Variants in DIAPH3 observed in about 807,000 individuals in gnomAD.
DIAPH3 encodes the protein diaphanous related formin 3.
A neutral mutation model predicts 144.3 loss-of-function variants in DIAPH3; 117 were observed. The observed-to-expected ratio is 0.81, with a 90% confidence interval of 0.70 to 0.95. The LOEUF (loss-of-function observed/expected upper bound fraction) is 0.95, where lower values mean the gene tolerates loss of function less well. Ranked by LOEUF, DIAPH3 falls within the 40% of genes least tolerant of loss-of-function variation. The pLI, the probability that DIAPH3 is intolerant of heterozygous loss-of-function variation, is 0.00. For synonymous variants in DIAPH3, 519 were observed against 488.9 expected (o/e 1.06, Z -0.81); for missense variants, 1,421 against 1,412.7 (o/e 1.01, Z -0.09).
chr13:59,678,797 T>C (rs2032776725), intron 27 of DIAPH3, among the ~76,000 whole-genome samples: 1 of 152,184 alleles, frequency 6.6e-6, no homozygotes. Context: ...TTTTAAATCT[T>C]TTAGCAGCCT....
intron 27 of DIAPH3, among the ~76,000 whole-genome samples, chr13:59,745,172 C>T (rs1038868357): frequency 6.6e-6 from 1 of 152,012 alleles, no homozygotes; most frequent in African/African-American, 2.4e-5. Flanking sequence ...GGTTTGTCAG[C>T]ATGTTTAACA....
chr13:59,726,105 G>T (rs1203057471), intron 27 of DIAPH3, among the ~76,000 whole-genome samples: 2 of 152,088 alleles, frequency 1.3e-5, no homozygotes, highest in Non-Finnish European at 2.9e-5. Flanking sequence ...CACTTTACAA[G>T]TATATTATTC....
At chr13:59,786,737 A>G (rs1283069008) in intron 25 of DIAPH3, among the ~76,000 whole-genome samples, 2 of 152,234 alleles carry the variant, frequency 1.3e-5, no homozygotes, top group African/African-American at 2.4e-5. Context: ...CACTAGTCCT[A>G]TAAGAAGCTC....
chr13:59,775,910 A>C (rs910355486), intron 25 of DIAPH3, among the ~76,000 whole-genome samples: 2 of 152,210 alleles, frequency 1.3e-5, no homozygotes, highest in African/African-American at 4.8e-5. Context: ...ATAAGTATTT[A>C]TAGTTATCAA....
chr13:59,964,798 C>A (rs1264628949), intron 17 of DIAPH3, among the ~76,000 whole-genome samples: 1 of 152,120 alleles, frequency 6.6e-6, no homozygotes. Context: ...CAGCCACAGA[C>A]AAGAACCAAA....
chr13:59,807,260 T>A (rs1489867128), intron 25 of DIAPH3, among the ~76,000 whole-genome samples: 3 of 151,898 alleles, frequency 2.0e-5, no homozygotes, highest in African/African-American at 7.2e-5. Flanking sequence ...GGTCTTTCAC[T>A]TTGGTGAGAA....
At chr13:59,927,486 G>A (rs2047809567) in intron 17 of DIAPH3, among the ~76,000 whole-genome samples, 1 of 151,942 alleles carries the variant, frequency 6.6e-6, no homozygotes, top group African/African-American at 2.4e-5. Flanking sequence ...TGCTCTATAG[G>A]GAGCTTTTTA....
intron 25 of DIAPH3, among the ~76,000 whole-genome samples, chr13:59,775,823 T>G (rs2139290527): frequency 6.6e-6 from 1 of 152,288 alleles, no homozygotes; most frequent in Non-Finnish European, 1.5e-5. Context: ...TAAATTGATA[T>G]CCTGTATATA....
intron 17 of DIAPH3, among the ~76,000 whole-genome samples, chr13:59,964,702 T>A (rs1308500073): frequency 1.3e-5 from 2 of 152,134 alleles, no homozygotes; most frequent in Non-Finnish European, 2.9e-5. Context: ...ATACTATAAC[T>A]GGTAACAATA....
chr13:59,924,410 G>A (rs1177690105), intron 18 of DIAPH3, among the ~76,000 whole-genome samples: 1 of 151,686 alleles, frequency 6.6e-6, no homozygotes, highest in Non-Finnish European at 1.5e-5. Flanking sequence ...TAGAGATTCA[G>A]AGTTATAAAA....
intron 13 of DIAPH3, 149 bp from the exon 14 acceptor site, chr13:59,981,008 G>A: frequency 1.5e-6 from 1 of 646,556 alleles, no homozygotes; most frequent in Non-Finnish European, 2.6e-6. Context: ...TATAATGTTG[G>A]AATGAAAAAG....
chr13:60,067,934 T>C (rs1310762143), intron 4 of DIAPH3, among the ~76,000 whole-genome samples: 3 of 152,168 alleles, frequency 2.0e-5, no homozygotes, highest in African/African-American at 7.2e-5. Flanking sequence ...CACACACATA[T>C]ACACATAGAG....
chr13:60,042,594 A>G (rs1315927953), intron 5 of DIAPH3, 96 bp downstream of exon 5: 1 of 1,451,272 alleles, frequency 6.9e-7, no homozygotes, highest in African/African-American at 1.4e-5. Context: ...ACTTTGAGAA[A>G]CTGTTGAGGT....
chr13:59,695,641 T>C (rs968299133), intron 27 of DIAPH3, among the ~76,000 whole-genome samples: 3 of 152,144 alleles, frequency 2.0e-5, no homozygotes, highest in Admixed American at 6.5e-5. Flanking sequence ...TGCTAAAAAG[T>C]GAAATGTCAA....
intron 12 of DIAPH3, among the ~76,000 whole-genome samples, chr13:59,984,236 TAGCTATCATTA>T (rs2051228396): frequency 6.6e-6 from 1 of 151,680 alleles, no homozygotes; most frequent in African/African-American, 2.4e-5. Flanking sequence ...CACACTGAAA[TAGCTATCATTA>T]ATTCACTTCA....
intron 8 of DIAPH3, among the ~76,000 whole-genome samples, chr13:60,010,253 AT>A (rs1168731355): frequency 3.9e-5 from 6 of 152,008 alleles, no homozygotes; most frequent in Non-Finnish European, 8.8e-5. Flanking sequence ...TCCATTTAGA[AT>A]TTTTTTTAAT....
In DIAPH3 at chr13:60,052,959, T is replaced by TAAA. The variant is rs559991017; in HGVS notation, c.496-10142_496-10140dup. Among the ~76,000 whole-genome samples, 19 of 40,634 alleles carry TAAA rather than the reference T, an allele frequency of 4.7e-4. 1 individual carries two copies. Among genetic ancestry groups the TAAA allele is most frequent in the South Asian group, 3.6e-3 (3 of 824 alleles). 26.7% of individuals were successfully genotyped at this position (40,634 alleles called of 152,430 possible). A position where few individuals can be genotyped will look rare whatever the true frequency, so the allele number is the denominator to read the frequency against. ...CTGGTGACAGAGCCAGACTCCCTCT[T>TAAA]AAAAAAAAAAAAAAAAAAAAAGAAA... On this transcript the variant is annotated intron_variant, in intron 4 of 27. Transcript: ENST00000400324.
At chr13:60,143,802 G>A (rs541584422) in intron 1 of DIAPH3, among the ~76,000 whole-genome samples, 5 of 152,266 alleles carry the variant, frequency 3.3e-5, no homozygotes, top group African/African-American at 1.2e-4. Flanking sequence ...AAATATGGGG[G>A]TTGAAAAATC....
intron 27 of DIAPH3, among the ~76,000 whole-genome samples, chr13:59,758,410 A>C (rs1467088232): frequency 6.6e-6 from 1 of 152,256 alleles, no homozygotes; most frequent in Non-Finnish European, 1.5e-5. Context: ...ATGGATACAA[A>C]GTGTACAATC....
Sources: gnomAD v4.1 joint callset for allele counts (sites outside exome capture counted in the v4.1 genomes callset) on GRCh38, gnomAD v4.1.1 for gene constraint, MANE v1.5 for transcripts, NCBI Gene and HGNC (gene_info 2026-07-23, HGNC 2026-07-21) for gene names.